DAPK1: variants seen among roughly 807,000 people sequenced by gnomAD.
DAPK1 encodes the protein death-associated protein kinase 1.
Under a neutral mutation model 144.9 loss-of-function variants are expected in DAPK1, and 56 were observed. The ratio of observed to expected loss-of-function variants is 0.39; its 90% CI spans 0.31 to 0.48. The LOEUF is 0.48. Among genes scored for constraint, DAPK1 ranks in the 20% least tolerant of loss-of-function variants. The pLI is 0.95. For synonymous variants in DAPK1, 690 were observed against 749.0 expected, an observed-to-expected ratio of 0.92 and a Z score of 1.29; for missense variants, 1,454 against 1,875.4, an observed-to-expected ratio of 0.78 and a Z score of 4.15.
At chr9:87,529,499 A>G (rs1392929010) in intron 2 of DAPK1, among the ~76,000 whole-genome samples, 2 of 152,222 alleles carry the variant, frequency 1.3e-5, no homozygotes, top group Non-Finnish European at 2.9e-5. Flanking sequence ...TTTTATCCTG[A>G]GCATCTACAA....
At chr9:87,617,203 A>G (rs1829127182) in intron 3 of DAPK1, among the ~76,000 whole-genome samples, 1 of 152,198 alleles carries the variant, frequency 6.6e-6, no homozygotes. Context: ...CCCATCAGAA[A>G]TTCTTTAAAA....
chr9:87,669,542 G>GTTAC (rs36216616), intron 19 of DAPK1, among the ~76,000 whole-genome samples: 45,502 of 151,542 alleles, frequency 0.3, 7,233 homozygotes, highest in East Asian at 0.52. Context: ...TTATAACAAT[G>GTTAC]GTAATCATTT....
chr9:87,561,157 C>T lies in DAPK1; in HGVS notation c.63-43797C>T, dbSNP rs568539182. ...ACCAATAATATATTAGATGAGGAGC[C>T]GTTTGTGCTTATTTCCTATCTTTTG... On this transcript the variant is annotated intron_variant, in intron 2 of 25. Coordinates refer to ENST00000408954, the MANE Select transcript of DAPK1 (RefSeq NM_004938.4). Among the ~76,000 whole-genome samples the T allele has an allele frequency of 4.6e-5, 7 of 152,222 alleles. No individual in the cohort carries two copies. The East Asian group carries it at 5.8e-4, about 13-fold the overall frequency.
chr9:87,633,011 G>A (rs1829763523), intron 3 of DAPK1: 2 of 980,892 alleles, frequency 2.0e-6, no homozygotes, highest in Non-Finnish European at 1.2e-6. Flanking sequence ...TTAGGGATGA[G>A]AAGGATGAGT....
At chr9:87,528,499 T>A (rs1825591802) in intron 2 of DAPK1, among the ~76,000 whole-genome samples, 1 of 152,146 alleles carries the variant, frequency 6.6e-6, no homozygotes, top group African/African-American at 2.4e-5. Context: ...ATTACAGGCG[T>A]GAGCCACCAC....
At chr9:87,617,206 C>A (rs547691050) in intron 3 of DAPK1, among the ~76,000 whole-genome samples, 2 of 152,296 alleles carry the variant, frequency 1.3e-5, no homozygotes, top group East Asian at 3.9e-4. Context: ...ATCAGAAATT[C>A]TTTAAAAGGG....
At chr9:87,515,216 G>A (rs1408151124) in intron 2 of DAPK1, among the ~76,000 whole-genome samples, 2 of 152,164 alleles carry the variant, frequency 1.3e-5, no homozygotes, top group African/African-American at 2.4e-5. Context: ...TGGGCCACAT[G>A]GTTTCTGTTG....
chr9:87,498,783 G>C, intron 1 of DAPK1, 187 bp from the exon 2 acceptor site: 1 of 435,984 alleles, frequency 2.3e-6, no homozygotes, highest in Non-Finnish European at 4.1e-6. Context: ...ACGCGCGCGC[G>C]GGGCTGAGGG....
intron 2 of DAPK1, among the ~76,000 whole-genome samples, chr9:87,503,087 G>A (rs1824467260): frequency 2.0e-5 from 3 of 152,148 alleles, no homozygotes; most frequent in Admixed American, 2.0e-4. Flanking sequence ...AAAGTGGGGA[G>A]ACACCTACCC....
chr9:87,552,363 T>G (rs925405855), intron 2 of DAPK1, among the ~76,000 whole-genome samples: 1 of 152,120 alleles, frequency 6.6e-6, no homozygotes, highest in African/African-American at 2.4e-5. Context: ...AGGAGGGATA[T>G]CTGCAGCTGG....
intron 21 of DAPK1, among the ~76,000 whole-genome samples, chr9:87,692,706 C>G (rs896476816): frequency 5.3e-5 from 8 of 152,034 alleles, no homozygotes; most frequent in Non-Finnish European, 1.0e-4. Flanking sequence ...AGGTGTAGAA[C>G]TCCTTTAAGC....
At chr9:87,675,147 C>T (rs1363442846) in intron 19 of DAPK1, among the ~76,000 whole-genome samples, 1 of 152,244 alleles carries the variant, frequency 6.6e-6, no homozygotes, top group South Asian at 2.1e-4. Context: ...CTTGTCTGTG[C>T]CTGGTGTTCC....
chr9:87,684,324 G>C (rs769380576), intron 20 of DAPK1, among the ~76,000 whole-genome samples: 1 of 151,336 alleles, frequency 6.6e-6, no homozygotes, highest in African/African-American at 2.4e-5. Flanking sequence ...GGCACTGCTC[G>C]TGCCTGGCAG....
chr9:87,640,933 C>CTG, intron 9 of DAPK1, 86 bp downstream of exon 9: 3 of 1,283,120 alleles, frequency 2.3e-6, no homozygotes, highest in South Asian at 1.2e-5. Flanking sequence ...TAGAGTACTG[C>CTG]TAACCACAGG....
rs936259469 is a variant in DAPK1 at position 87,587,769 on chromosome 9, T to G, written c.63-17185T>G. 5.9e-5 allele frequency among the ~76,000 whole-genome samples: 9 copies of G among 152,370 alleles called. No homozygotes were observed. In the East Asian group the frequency reaches 1.7e-3, roughly 29 times the overall value. ...GCCAGCAGCCTTCATGGAGAGCCATTCAGCAGCCCTCGCTCAAGATGGCTT... is the reference window on the plus strand; with the variant it reads ...GCCAGCAGCCTTCATGGAGAGCCATGCAGCAGCCCTCGCTCAAGATGGCTT... On this transcript the variant is annotated intron_variant, in intron 2 of 25. Coordinates refer to ENST00000408954, the MANE Select transcript of DAPK1 (RefSeq NM_004938.4).
At chr9:87,660,243 A>C (rs1830794243) in intron 18 of DAPK1, among the ~76,000 whole-genome samples, 1 of 151,914 alleles carries the variant, frequency 6.6e-6, no homozygotes. Context: ...CCCCGCAGGG[A>C]ACCGGGGCTT....
At chr9:87,639,018 C>T (rs138594334) in intron 4 of DAPK1, among the ~76,000 whole-genome samples, 82 of 152,298 alleles carry the variant, frequency 5.4e-4, no homozygotes, top group Non-Finnish European at 9.1e-4. Flanking sequence ...ATTGGAATAA[C>T]ACTGAGTTCT....
intron 3 of DAPK1, among the ~76,000 whole-genome samples, chr9:87,629,724 A>G (rs923931168): frequency 2.6e-5 from 4 of 152,158 alleles, no homozygotes; most frequent in African/African-American, 9.7e-5. Context: ...TGGAAATTTC[A>G]GTTCCTCTAT....
intron 11 of DAPK1, among the ~76,000 whole-genome samples, chr9:87,643,800 C>T (rs1024210802): frequency 7.9e-5 from 12 of 152,022 alleles, no homozygotes; most frequent in South Asian, 2.1e-4. Context: ...TAGAGACACA[C>T]GCACTGATAT....
Sources: allele counts gnomAD v4.1 joint callset (sites outside exome capture counted in the v4.1 genomes callset), GRCh38; gene constraint gnomAD v4.1.1; transcripts MANE v1.5; gene names NCBI Gene and HGNC (gene_info 2026-07-23, HGNC 2026-07-21).